IQCM: variants seen among roughly 807,000 people sequenced by gnomAD.
The protein encoded by IQCM is IQ motif containing M.
A neutral mutation model predicts 57.6 loss-of-function variants in IQCM; 45 were observed. The observed-to-expected ratio is 0.78, with a 90% CI of 0.62 to 1.00. IQCM has a LOEUF of 1.00. Among genes scored for constraint, IQCM ranks in the 50% least tolerant of loss-of-function variants. The probability of loss-of-function intolerance (pLI) is 0.00; values close to 1 mark genes in which losing one functional copy is unlikely to be tolerated. For synonymous variants in IQCM, 148 were observed against 158.9 expected (o/e 0.93, Z 0.51); for missense variants, 468 against 511.6 (o/e 0.91, Z 0.82).
At chr4:149,590,553 C>T (rs949914056) in intron 8 of IQCM, among the ~76,000 whole-genome samples, 1 of 151,794 alleles carries the variant, frequency 6.6e-6, no homozygotes, top group Non-Finnish European at 1.5e-5. Context: ...CTGCACCCAT[C>T]AATCCATCAT....
At chr4:149,597,617 G>A (rs931389046) in intron 8 of IQCM, among the ~76,000 whole-genome samples, 2 of 151,892 alleles carry the variant, frequency 1.3e-5, no homozygotes, top group African/African-American at 2.4e-5. Context: ...TCTCTAACTC[G>A]TGACCTCAAA....
rs373285392 is a variant in IQCM, at chr4:149,739,921, T to C, written c.37+2734A>G. Among the ~76,000 whole-genome samples the C allele has an allele frequency of 1.4e-4, 22 of 152,284 alleles. No individual in the cohort carries two copies. The East Asian group carries it at 3.3e-3, about 23-fold the overall frequency. On this transcript the variant is annotated intron_variant, in intron 3 of 13. Coordinates refer to ENST00000636793, the MANE Select transcript of IQCM (RefSeq NM_001363507.2). The stretch of plus-strand genomic sequence containing the variant: ...CCAGATTTCTCTACTACTTTAGAGG[T>C]TCTACATAGTTGCTCCAGTGAGCCT...
chr4:149,564,079 C>T (rs544778294), intron 9 of IQCM, among the ~76,000 whole-genome samples, 189 bp from the exon 10 acceptor site: 2 of 152,094 alleles, frequency 1.3e-5, no homozygotes, highest in Admixed American at 6.6e-5. Flanking sequence ...TATGCCAAGA[C>T]CAATATTACA....
At chr4:149,718,000 A>G (rs994485171) in intron 5 of IQCM, among the ~76,000 whole-genome samples, 8 of 152,340 alleles carry the variant, frequency 5.3e-5, no homozygotes, top group Non-Finnish European at 1.0e-4. Flanking sequence ...CATGGGGAGT[A>G]TATTTATGCC....
At chr4:149,517,951 CT>C (rs1223751321) in intron 12 of IQCM, among the ~76,000 whole-genome samples, 1 of 152,166 alleles carries the variant, frequency 6.6e-6, no homozygotes, top group African/African-American at 2.4e-5. Flanking sequence ...ATAAACTCCA[CT>C]TTATATACAT....
At chr4:149,437,077 G>A (rs1735434721) in intron 12 of IQCM, among the ~76,000 whole-genome samples, 1 of 152,114 alleles carries the variant, frequency 6.6e-6, no homozygotes, top group Admixed American at 6.6e-5. Context: ...CTGGTAAGTG[G>A]TGAAACCAGA....
Position 149,703,789 on chromosome 4 carries a change from G to A in IQCM, c.386-17321C>T, listed in dbSNP as rs544234172. On this transcript the variant is annotated intron_variant, in intron 5 of 13. Coordinates refer to ENST00000636793, the MANE Select transcript of IQCM (RefSeq NM_001363507.2). Reference sequence around the variant, plus strand: ...AAAGGGAAAATCATTACTACTAAAGGGATAAATGAACTAATGGTCAAATGC... The same window carrying A: ...AAAGGGAAAATCATTACTACTAAAGAGATAAATGAACTAATGGTCAAATGC... Among the ~76,000 whole-genome samples, 34 of 151,892 alleles carry A rather than the reference G, an allele frequency of 2.2e-4. 1 individual carries two copies. The South Asian group carries it at 7.0e-3, about 31-fold the overall frequency.
intron 5 of IQCM, among the ~76,000 whole-genome samples, chr4:149,717,360 G>A (rs1765090496): frequency 6.6e-6 from 1 of 152,152 alleles, no homozygotes; most frequent in African/African-American, 2.4e-5. Context: ...ACTGCTTGGT[G>A]TGTGAGGAGA....
intron 7 of IQCM, among the ~76,000 whole-genome samples, chr4:149,623,185 T>A (rs188633963): frequency 2.0e-5 from 3 of 152,146 alleles, no homozygotes; most frequent in African/African-American, 7.2e-5. Context: ...ATTAAATAAA[T>A]AAATAAAATT....
In IQCM at chr4:149,544,728, A is replaced by G. The variant is rs554848856; in HGVS notation, c.1228+3727T>C. Among the ~76,000 whole-genome samples the G allele has an allele frequency of 2.0e-5, 3 of 152,338 alleles. No homozygotes were observed. In the South Asian group the frequency reaches 6.2e-4, roughly 32 times the overall value. The stretch of plus-strand genomic sequence containing the variant: ...ACCAATGGAATAGAATAGAGAGCCA[A>G]GAAATAAACCCATGCATTTATATGC... On this transcript the variant is annotated intron_variant, in intron 12 of 13. Transcript: ENST00000636793.
intron 13 of IQCM, among the ~76,000 whole-genome samples, chr4:149,354,301 T>C (rs2110868887): frequency 8.1e-6 from 1 of 123,668 alleles, no homozygotes. Context: ...GAGGCGGAGC[T>C]TGCAGTGAGC....
intron 2 of IQCM, among the ~76,000 whole-genome samples, chr4:149,778,077 G>A (rs893716307): frequency 1.3e-5 from 2 of 152,166 alleles, no homozygotes; most frequent in South Asian, 2.1e-4. Flanking sequence ...AAAAAACACA[G>A]TTAAATTAAA....
intron 2 of IQCM, among the ~76,000 whole-genome samples, chr4:149,761,312 T>C (rs1769491821): frequency 6.6e-6 from 1 of 152,102 alleles, no homozygotes; most frequent in Non-Finnish European, 1.5e-5. Context: ...CAAAGCCACA[T>C]GTCCAGCTCA....
intron 2 of IQCM, among the ~76,000 whole-genome samples, chr4:149,798,734 A>G (rs989127203): frequency 1.3e-5 from 2 of 152,018 alleles, no homozygotes; most frequent in Admixed American, 6.6e-5. Context: ...AGACAAAACC[A>G]TAAGAGACAA....
At chr4:149,739,466 A>G (rs62340695) in intron 3 of IQCM, among the ~76,000 whole-genome samples, 14 of 99,628 alleles carry the variant, frequency 1.4e-4, no homozygotes, top group Non-Finnish European at 3.1e-4. Context: ...GTGTTTATAT[A>G]ATTTTTTTTT....
At chr4:149,391,988 T>C (rs1731888800) in intron 13 of IQCM, among the ~76,000 whole-genome samples, 1 of 151,968 alleles carries the variant, frequency 6.6e-6, no homozygotes, top group African/African-American at 2.4e-5. Context: ...TCTATTAAAG[T>C]CTAGGTGGTT....
At position 149,601,056 on chromosome 4, in the gene IQCM, A is replaced by T. The variant is rs574570276; in HGVS notation, c.682-13059T>A. On this transcript the variant is annotated intron_variant, in intron 8 of 13. Coordinates refer to ENST00000636793, the MANE Select transcript of IQCM (RefSeq NM_001363507.2). ...ACTTCAGGTATTTATCAGGAAAAAA[A>T]TTACCTCGTACACATTGTCACTACT... Among the ~76,000 whole-genome samples the T allele has an allele frequency of 6.6e-5, 10 of 152,314 alleles. 1 individual carries two copies. The South Asian group carries it at 2.1e-3, about 32-fold the overall frequency.
In IQCM at chr4:149,631,468, G is replaced by A. The variant is rs76752990; in HGVS notation, c.566-10224C>T. ...ATAATATAAATGTCCAGAAATGGGA[G>A]ACTGGGTAAATTTTACTATATCATG... On this transcript the variant is annotated intron_variant, in intron 7 of 13. Coordinates refer to ENST00000636793, the MANE Select transcript of IQCM (RefSeq NM_001363507.2). 2.5e-3 allele frequency among the ~76,000 whole-genome samples: 381 copies of A among 152,266 alleles called. 1 individual carries two copies. Among genetic ancestry groups the A allele is most frequent in the African/African-American group, 8.6e-3 (359 of 41,554 alleles).
chr4:149,801,567 A>T (rs188482269), intron 2 of IQCM, among the ~76,000 whole-genome samples: 2 of 152,178 alleles, frequency 1.3e-5, no homozygotes, highest in East Asian at 1.9e-4. Flanking sequence ...TCCATAAAAA[A>T]ATGAGATCCT....
Sources: gnomAD v4.1 joint callset for allele counts (sites outside exome capture counted in the v4.1 genomes callset) on GRCh38, gnomAD v4.1.1 for gene constraint, MANE v1.5 for transcripts, NCBI Gene and HGNC (gene_info 2026-07-23, HGNC 2026-07-21) for gene names.